The following DENND1A variants were observed in gnomAD, a reference collection of about 807,000 sequenced individuals.
DENND1A encodes the protein DENN domain containing 1A, also known as DENN domain-containing protein 1A.
DENND1A carries 51 observed loss-of-function variants against 113.7 expected under a neutral mutation model. That is an observed-to-expected ratio of 0.45 (90% CI 0.36 to 0.57). The LOEUF (loss-of-function observed/expected upper bound fraction) is 0.57, where lower values mean the gene tolerates loss of function less well. Ranked by LOEUF, DENND1A falls within the 20% of genes least tolerant of loss-of-function variation. The pLI is 0.00. For synonymous variants in DENND1A, 565 were observed against 570.8 expected (o/e 0.99, Z 0.14); for missense variants, 1,258 against 1,395.9 (o/e 0.90, Z 1.57).
At chr9:123,522,074 T>C (rs2054441390) in intron 13 of DENND1A, among the ~76,000 whole-genome samples, 1 of 152,224 alleles carries the variant, frequency 6.6e-6, no homozygotes, top group Non-Finnish European at 1.5e-5. Flanking sequence ...GGCACAGGAA[T>C]GGTATGGTTG....
intron 4 of DENND1A, among the ~76,000 whole-genome samples, chr9:123,765,263 G>T (rs1418894974): frequency 6.6e-6 from 1 of 152,142 alleles, no homozygotes; most frequent in African/African-American, 2.4e-5. Context: ...TGAGGGTTCT[G>T]CAAGCAGCTA....
At chr9:123,439,488 C>T (rs1331001889) in intron 19 of DENND1A, among the ~76,000 whole-genome samples, 1 of 152,172 alleles carries the variant, frequency 6.6e-6, no homozygotes, top group African/African-American at 2.4e-5. Context: ...GGAATGTAGG[C>T]TTCTAGGTCC....
chr9:123,870,313 C>G (rs577609296), intron 2 of DENND1A, among the ~76,000 whole-genome samples: 1 of 151,456 alleles, frequency 6.6e-6, no homozygotes, highest in Admixed American at 6.6e-5. Flanking sequence ...TCTGCCGCCC[C>G]GGCTGGAATA....
intron 2 of DENND1A, among the ~76,000 whole-genome samples, chr9:123,825,724 T>C (rs1183623972): frequency 1.3e-5 from 2 of 152,262 alleles, no homozygotes; most frequent in Non-Finnish European, 2.9e-5. Flanking sequence ...ATTTATCACA[T>C]GTAAAGTTTC....
At chr9:123,449,533 CA>C (rs34903069) in intron 18 of DENND1A, among the ~76,000 whole-genome samples, 2,018 of 72,602 alleles carry the variant, frequency 0.028, 23 homozygotes, top group African/African-American at 0.07. Flanking sequence ...GACTCCGTCT[CA>C]AAAAAAAAAA....
chr9:123,894,673 T>C (rs1380442122), intron 1 of DENND1A, among the ~76,000 whole-genome samples: 1 of 152,242 alleles, frequency 6.6e-6, no homozygotes, highest in Non-Finnish European at 1.5e-5. Context: ...TTTAATTCAA[T>C]TATAAAAACT....
intron 5 of DENND1A, among the ~76,000 whole-genome samples, chr9:123,679,392 ACTCAGC>A (rs568930224): frequency 3.0e-4 from 45 of 152,160 alleles, no homozygotes; most frequent in Admixed American, 1.1e-3. Context: ...TGGTTCTCAC[ACTCAGC>A]CTCAGCCTCA....
intron 13 of DENND1A, among the ~76,000 whole-genome samples, chr9:123,546,398 A>T (rs976718605): frequency 6.6e-6 from 1 of 151,938 alleles, no homozygotes; most frequent in African/African-American, 2.4e-5. Context: ...AATACAAAAA[A>T]AAAAGTAGCC....
At chr9:123,488,532 C>T (rs905155472) in intron 13 of DENND1A, among the ~76,000 whole-genome samples, 1 of 152,204 alleles carries the variant, frequency 6.6e-6, no homozygotes, top group Non-Finnish European at 1.5e-5. Context: ...TTAGTAAATA[C>T]ACAACCTCTA....
At chr9:123,769,177 T>A (rs1044551431) in intron 4 of DENND1A, among the ~76,000 whole-genome samples, 6 of 152,142 alleles carry the variant, frequency 3.9e-5, no homozygotes, top group Admixed American at 2.0e-4. Flanking sequence ...ATATTACTTG[T>A]TTAAGCCAAA....
chr9:123,817,793 G>A (rs1276363955), intron 2 of DENND1A, among the ~76,000 whole-genome samples: 1 of 152,114 alleles, frequency 6.6e-6, no homozygotes, highest in South Asian at 2.1e-4. Context: ...TTGGGAGGCC[G>A]AGGTGGGTGG....
chr9:123,675,537 T>G (rs2064025174), intron 6 of DENND1A, among the ~76,000 whole-genome samples: 1 of 152,114 alleles, frequency 6.6e-6, no homozygotes, highest in South Asian at 2.1e-4. Flanking sequence ...CAGAAAAAAA[T>G]TAAGGGAAAT....
At chr9:123,807,794 C>G (rs994540194) in intron 2 of DENND1A, among the ~76,000 whole-genome samples, 3 of 152,238 alleles carry the variant, frequency 2.0e-5, no homozygotes, top group Non-Finnish European at 4.4e-5. Flanking sequence ...TGTCATGCCA[C>G]TTAAGCTTCA....
chr9:123,498,981 C>G (rs907519203), intron 13 of DENND1A, among the ~76,000 whole-genome samples: 1 of 151,884 alleles, frequency 6.6e-6, no homozygotes, highest in Non-Finnish European at 1.5e-5. Flanking sequence ...CCTTGGCCTC[C>G]TAAAGTGCTG....
At chr9:123,563,290 C>T (rs1449356768) in intron 12 of DENND1A, among the ~76,000 whole-genome samples, 1 of 152,200 alleles carries the variant, frequency 6.6e-6, no homozygotes, top group Non-Finnish European at 1.5e-5. Flanking sequence ...CCGTGTACCC[C>T]TGTTCCTCCT....
At chr9:123,687,278 C>A in intron 5 of DENND1A, among the ~76,000 whole-genome samples, 1 of 152,200 alleles carries the variant, frequency 6.6e-6, no homozygotes, top group Non-Finnish European at 1.5e-5. Flanking sequence ...GAATTTATAA[C>A]CCAAACACTC....
intron 13 of DENND1A, among the ~76,000 whole-genome samples, chr9:123,490,904 T>C (rs968563975): frequency 6.6e-6 from 1 of 152,242 alleles, no homozygotes; most frequent in African/African-American, 2.4e-5. Context: ...GCCACTGTAC[T>C]GAATGCGACA....
intron 10 of DENND1A, among the ~76,000 whole-genome samples, chr9:123,628,421 G>A (rs2061334852): frequency 1.3e-5 from 2 of 152,000 alleles, no homozygotes; most frequent in African/African-American, 4.8e-5. Flanking sequence ...AACAATCTGG[G>A]AGCAGAAGGA....
At chr9:123,776,873 T>A (rs181789985) in intron 3 of DENND1A, among the ~76,000 whole-genome samples, 267 of 152,328 alleles carry the variant, frequency 1.8e-3, no homozygotes, top group African/African-American at 6.2e-3. Context: ...AAGGACAGCT[T>A]AGAAGCTGGC....
Sources: gnomAD v4.1 joint callset for allele counts (sites outside exome capture counted in the v4.1 genomes callset) on GRCh38, gnomAD v4.1.1 for gene constraint, MANE v1.5 for transcripts, NCBI Gene and HGNC (gene_info 2026-07-23, HGNC 2026-07-21) for gene names.